The following PPM1H variants were observed in gnomAD, a reference collection of about 807,000 sequenced individuals.
PPM1H encodes the protein protein phosphatase, Mg2+/Mn2+ dependent 1H, also known as protein phosphatase 1H.
Under a neutral mutation model 54.9 loss-of-function variants are expected in PPM1H, and 27 were observed. That is an observed-to-expected ratio of 0.49 (90% CI 0.36 to 0.68). PPM1H has a LOEUF of 0.68. Among genes scored for constraint, PPM1H ranks in the 30% least tolerant of loss-of-function variants. The pLI is 0.00. For synonymous variants in PPM1H, 305 were observed against 270.8 expected, an observed-to-expected ratio of 1.13 and a Z score of -1.24; for missense variants, 596 against 667.8, an observed-to-expected ratio of 0.89 and a Z score of 1.19.
chr12:62,801,777 A>T (rs1238698858), intron 3 of PPM1H, 39 bp downstream of exon 3: 1 of 1,605,060 alleles, frequency 6.2e-7, no homozygotes, highest in Admixed American at 1.7e-5. Flanking sequence ...CGCAGGCGCC[A>T]GCCTGGCCCT....
intron 1 of PPM1H, among the ~76,000 whole-genome samples, chr12:62,845,749 T>A (rs534880450): frequency 6.6e-6 from 1 of 152,284 alleles, no homozygotes; most frequent in South Asian, 2.1e-4. Context: ...ACAGTACAGA[T>A]CTCTGGGGGT....
At chr12:62,856,311 T>C (rs1869385918) in intron 1 of PPM1H, among the ~76,000 whole-genome samples, 1 of 152,128 alleles carries the variant, frequency 6.6e-6, no homozygotes, top group Non-Finnish European at 1.5e-5. Context: ...TGGGGGCCTC[T>C]CTAATGAGCA....
intron 4 of PPM1H, among the ~76,000 whole-genome samples, chr12:62,763,926 C>G (rs111372938): frequency 6.6e-6 from 1 of 152,130 alleles, no homozygotes; most frequent in Non-Finnish European, 1.5e-5. Context: ...AGAGAGCCGA[C>G]GTCCTAAGAT....
intron 9 of PPM1H, among the ~76,000 whole-genome samples, chr12:62,655,907 G>A (rs987128492): frequency 6.6e-6 from 1 of 152,234 alleles, no homozygotes; most frequent in Non-Finnish European, 1.5e-5. Flanking sequence ...TATCAGCAAA[G>A]CTCTGCTGAA....
chr12:62,772,082 C>T (rs1428442921), intron 4 of PPM1H, among the ~76,000 whole-genome samples: 2 of 152,160 alleles, frequency 1.3e-5, no homozygotes. Flanking sequence ...CAATCCTGGG[C>T]CATTTGACTC....
intron 1 of PPM1H, among the ~76,000 whole-genome samples, chr12:62,900,949 G>A (rs1461229377): frequency 6.6e-6 from 1 of 151,972 alleles, no homozygotes; most frequent in Non-Finnish European, 1.5e-5. Context: ...TATAATTTCC[G>A]AGTCACATCT....
chr12:62,886,327 C>A (rs1592654978), intron 1 of PPM1H, among the ~76,000 whole-genome samples: 2 of 152,174 alleles, frequency 1.3e-5, no homozygotes, highest in African/African-American at 4.8e-5. Context: ...AGGTAATTTA[C>A]AAAACTATGT....
In PPM1H at chr12:62,655,226, TTG is replaced by T. The variant is rs560741444; in HGVS notation, c.1398-6592_1398-6591del. Among the ~76,000 whole-genome samples, 612 of 152,302 alleles carry T rather than the reference TTG, an allele frequency of 4.0e-3. 3 individuals carry two copies. Among genetic ancestry groups the T allele is most frequent in the Non-Finnish European group, 6.6e-3 (449 of 68,012 alleles). Reference sequence around the variant, plus strand: ...GACTCAGCTCTTGGGAGAAGGCCTTTTGTGTCAGCTAGCTACCATATTGGGCC... The same window carrying T: ...GACTCAGCTCTTGGGAGAAGGCCTTTTGTCAGCTAGCTACCATATTGGGCC... On this transcript the variant is annotated intron_variant, in intron 9 of 9. Coordinates refer to ENST00000228705, the MANE Select transcript of PPM1H (RefSeq NM_020700.2).
At chr12:62,895,847 G>A (rs945151495) in intron 1 of PPM1H, among the ~76,000 whole-genome samples, 2 of 152,100 alleles carry the variant, frequency 1.3e-5, no homozygotes, top group Admixed American at 6.6e-5. Flanking sequence ...AGGTGCTGGA[G>A]CCATGCTTCT....
At chr12:62,773,633 TCTTGAAG>T (rs1456368288) in intron 4 of PPM1H, among the ~76,000 whole-genome samples, 1 of 152,204 alleles carries the variant, frequency 6.6e-6, no homozygotes, top group Non-Finnish European at 1.5e-5. Context: ...TCAACTCATT[TCTTGAAG>T]GGTTGGGCTT....
At chr12:62,673,244 G>A (rs899248088) in intron 8 of PPM1H, among the ~76,000 whole-genome samples, 11 of 152,162 alleles carry the variant, frequency 7.2e-5, no homozygotes, top group Non-Finnish European at 1.6e-4. Context: ...ACTTAGAGAT[G>A]TCCTTAATGT....
chr12:62,914,879 C>G (rs1286126031), intron 1 of PPM1H, among the ~76,000 whole-genome samples: 1 of 152,172 alleles, frequency 6.6e-6, no homozygotes, highest in African/African-American at 2.4e-5. Flanking sequence ...CCCAAACAGT[C>G]CCACAATCTA....
At chr12:62,767,971 C>G (rs1415768753) in intron 4 of PPM1H, among the ~76,000 whole-genome samples, 1 of 152,194 alleles carries the variant, frequency 6.6e-6, no homozygotes, top group Non-Finnish European at 1.5e-5. Context: ...CTGCCCTACT[C>G]CAGTTTGGCC....
intron 1 of PPM1H, among the ~76,000 whole-genome samples, chr12:62,890,744 ACACAC>A (rs1870763169): frequency 6.6e-6 from 1 of 151,612 alleles, no homozygotes; most frequent in Admixed American, 6.6e-5. Flanking sequence ...ACACACACAC[ACACAC>A]ACACACATAT....
intron 5 of PPM1H, among the ~76,000 whole-genome samples, chr12:62,737,276 C>T (rs978652567): frequency 1.6e-4 from 24 of 150,188 alleles, no homozygotes; most frequent in African/African-American, 5.7e-4. Flanking sequence ...CAATTGGTCA[C>T]AGATGGGAGA....
chr12:62,890,836 G>A (rs930258876), intron 1 of PPM1H, among the ~76,000 whole-genome samples: 4 of 151,826 alleles, frequency 2.6e-5, no homozygotes, highest in African/African-American at 4.8e-5. Context: ...AAGGCCAGGC[G>A]TGGTGACTCA....
chr12:62,882,353 A>T (rs1870428142), intron 1 of PPM1H, among the ~76,000 whole-genome samples: 1 of 152,270 alleles, frequency 6.6e-6, no homozygotes, highest in Non-Finnish European at 1.5e-5. Context: ...GAGGTATAAC[A>T]GGTGCTAGAG....
intron 9 of PPM1H, among the ~76,000 whole-genome samples, chr12:62,653,123 G>T (rs1056567762): frequency 1.3e-5 from 2 of 152,066 alleles, no homozygotes; most frequent in Non-Finnish European, 2.9e-5. Context: ...TAGGTAAATG[G>T]CTTTTGTCAT....
At chr12:62,793,757 A>AG (rs1164822357) in intron 3 of PPM1H, among the ~76,000 whole-genome samples, 4 of 151,438 alleles carry the variant, frequency 2.6e-5, no homozygotes, top group Non-Finnish European at 5.9e-5. Context: ...AAAAAAAAAA[A>AG]AAAAAGGCAA....
Sources: gnomAD v4.1 joint callset for allele counts (sites outside exome capture counted in the v4.1 genomes callset) on GRCh38, gnomAD v4.1.1 for gene constraint, MANE v1.5 for transcripts, NCBI Gene and HGNC (gene_info 2026-07-23, HGNC 2026-07-21) for gene names.